DOCK2: variants seen among roughly 807,000 people sequenced by gnomAD.
The protein encoded by DOCK2 is dedicator of cytokinesis protein 2.
A neutral mutation model predicts 248.9 loss-of-function variants in DOCK2; 87 were observed. The observed-to-expected ratio is 0.35, with a 90% CI of 0.29 to 0.42. The LOEUF (loss-of-function observed/expected upper bound fraction) is 0.42. DOCK2 is among the 10% of genes least tolerant of loss of function. The pLI, the probability that DOCK2 is intolerant of heterozygous loss-of-function variation, is 1.00. For synonymous variants in DOCK2, 805 were observed against 821.6 expected, an observed-to-expected ratio of 0.98 and a Z score of 0.35; for missense variants, 1,747 against 2,300.2, an observed-to-expected ratio of 0.76 and a Z score of 4.92.
chr5:169,955,312 C>T (rs1428237515), intron 27 of DOCK2, among the ~76,000 whole-genome samples: 1 of 152,064 alleles, frequency 6.6e-6, no homozygotes, highest in East Asian at 1.9e-4. Context: ...AGTGCCTTTC[C>T]CATAGGAAGG....
At chr5:169,706,451 G>A (rs896743748) in intron 14 of DOCK2, among the ~76,000 whole-genome samples, 1 of 152,186 alleles carries the variant, frequency 6.6e-6, no homozygotes, top group Non-Finnish European at 1.5e-5. Flanking sequence ...ATCTCTCAGG[G>A]ACTCAGGTCA....
chr5:169,824,406 T>A (rs1412432646), intron 26 of DOCK2, among the ~76,000 whole-genome samples: 1 of 152,230 alleles, frequency 6.6e-6, no homozygotes, highest in Non-Finnish European at 1.5e-5. Flanking sequence ...AACAGCATGG[T>A]ACTGATACCA....
At chr5:169,826,707 T>C (rs543395834) in intron 26 of DOCK2, among the ~76,000 whole-genome samples, 1 of 152,312 alleles carries the variant, frequency 6.6e-6, no homozygotes, top group Admixed American at 6.5e-5. Flanking sequence ...ATTATTAGGC[T>C]ACACTCTTAA....
Position 169,835,160 on chromosome 5 carries a change from T to C in DOCK2, c.2704-5597T>C, listed in dbSNP as rs139282340. On this transcript the variant is annotated intron_variant, in intron 26 of 51. Coordinates refer to ENST00000520908, the MANE Select transcript of DOCK2 (RefSeq NM_004946.3). ...TCAAAATATTTTAAGTAATAAATAT[T>C]GATCAAAGCAAAATTATACCGTAAG... Among the ~76,000 whole-genome samples, 23 of 152,068 alleles carry C rather than the reference T, an allele frequency of 1.5e-4. No individual in the cohort carries two copies. The East Asian group carries it at 4.4e-3, about 29-fold the overall frequency.
At chr5:169,820,974 A>C (rs192923249) in intron 26 of DOCK2, among the ~76,000 whole-genome samples, 1 of 152,254 alleles carries the variant, frequency 6.6e-6, no homozygotes, top group Non-Finnish European at 1.5e-5. Context: ...TGACGAATGC[A>C]CAAGCTTCAG....
At chr5:169,917,682 G>A (rs950548250) in intron 27 of DOCK2, among the ~76,000 whole-genome samples, 1 of 152,154 alleles carries the variant, frequency 6.6e-6, no homozygotes, top group Non-Finnish European at 1.5e-5. Flanking sequence ...GAAATGAAGG[G>A]GAGAACATGT....
chr5:169,822,942 C>T (rs399421), intron 26 of DOCK2, among the ~76,000 whole-genome samples: 70,089 of 151,914 alleles, frequency 0.46, 17,051 homozygotes, highest in African/African-American at 0.61. Context: ...GGGGATATCA[C>T]CACCGATCCC....
chr5:169,875,370 G>C (rs1772265175), intron 27 of DOCK2: 2 of 453,256 alleles, frequency 4.4e-6, no homozygotes, highest in Non-Finnish European at 8.9e-6. Flanking sequence ...TGGGAGCACT[G>C]TCTAGGGCCT....
intron 27 of DOCK2, among the ~76,000 whole-genome samples, chr5:169,914,742 G>A (rs1774783711): frequency 6.6e-6 from 1 of 152,154 alleles, no homozygotes; most frequent in African/African-American, 2.4e-5. Flanking sequence ...CCTTCTGGTG[G>A]GGCAGGGTCT....
At chr5:169,793,784 GC>G (rs1482599070) in intron 25 of DOCK2, among the ~76,000 whole-genome samples, 1 of 152,054 alleles carries the variant, frequency 6.6e-6, no homozygotes, top group Admixed American at 6.5e-5. Flanking sequence ...CTGCAATCCA[GC>G]CACATTTGTG....
chr5:169,638,494 G>C (rs1477854947), intron 1 of DOCK2, among the ~76,000 whole-genome samples: 1 of 152,206 alleles, frequency 6.6e-6, no homozygotes, highest in African/African-American at 2.4e-5. Flanking sequence ...GTTCAAATCA[G>C]GGTCTGTTTC....
At chr5:170,001,254 T>G (rs1007651402) in intron 30 of DOCK2, among the ~76,000 whole-genome samples, 1 of 151,556 alleles carries the variant, frequency 6.6e-6, no homozygotes, top group African/African-American at 2.4e-5. Context: ...TGCTGGTTAA[T>G]TTTTTTTTAT....
At chr5:169,844,348 G>A (rs1770176043) in intron 27 of DOCK2, among the ~76,000 whole-genome samples, 2 of 152,178 alleles carry the variant, frequency 1.3e-5, no homozygotes, top group African/African-American at 4.8e-5. Context: ...CTGCTTTTAA[G>A]CTAATTTTCT....
chr5:170,030,873 C>T (rs1255378847), intron 34 of DOCK2, among the ~76,000 whole-genome samples: 1 of 152,216 alleles, frequency 6.6e-6, no homozygotes. Flanking sequence ...CCTGTGGGCA[C>T]ATGGCTTGGA....
intron 27 of DOCK2, among the ~76,000 whole-genome samples, chr5:169,870,601 TA>T (rs1771897928): frequency 6.6e-6 from 1 of 152,152 alleles, no homozygotes; most frequent in South Asian, 2.1e-4. Context: ...TTTGATTTTT[TA>T]AAATTTTATT....
chr5:169,786,228 T>A (rs1765971042), intron 25 of DOCK2, among the ~76,000 whole-genome samples: 1 of 152,146 alleles, frequency 6.6e-6, no homozygotes, highest in Admixed American at 6.5e-5. Flanking sequence ...CACTCACTCT[T>A]CTTTGGCTGG....
At chr5:169,999,715 C>T (rs1422344883) in intron 30 of DOCK2, among the ~76,000 whole-genome samples, 2 of 152,168 alleles carry the variant, frequency 1.3e-5, no homozygotes, top group African/African-American at 2.4e-5. Flanking sequence ...CCTCTTCCTC[C>T]CCCTGTGTAA....
Position 170,082,616 on chromosome 5 carries a change from G to T in DOCK2, c.5431-180G>T, listed in dbSNP as rs372557666. 2.6e-4 allele frequency among the ~76,000 whole-genome samples: 40 copies of T among 152,282 alleles called. No individual in the cohort carries two copies. The East Asian group carries it at 7.2e-3, about 27-fold the overall frequency. On this transcript the variant is annotated intron_variant, in intron 51 of 51. Transcript: ENST00000520908. ...AAGTCCACATGGCTAGTGAGCCTGGGCTCACTCTACTGTCTACCACTGCCT... is the reference window on the plus strand; with the variant it reads ...AAGTCCACATGGCTAGTGAGCCTGGTCTCACTCTACTGTCTACCACTGCCT...
chr5:169,805,847 G>C (rs747936830), intron 26 of DOCK2, among the ~76,000 whole-genome samples: 33 of 152,332 alleles, frequency 2.2e-4, no homozygotes, highest in Middle Eastern at 3.4e-3. Context: ...TGGGAGGTGC[G>C]TGTCACTCTT....
Sources: allele counts gnomAD v4.1 joint callset (sites outside exome capture counted in the v4.1 genomes callset), GRCh38; gene constraint gnomAD v4.1.1; transcripts MANE v1.5; gene names NCBI Gene and HGNC (gene_info 2026-07-23, HGNC 2026-07-21).